The following MS4A8 variants were observed in gnomAD, a reference collection of about 807,000 sequenced individuals.
MS4A8 encodes the protein membrane spanning 4-domains A8, also known as membrane-spanning 4-domains subfamily A member 8.
Under a neutral mutation model 23.7 loss-of-function variants are expected in MS4A8, and 27 were observed. That is an observed-to-expected ratio of 1.14 (90% CI 0.84 to 1.57). The LOEUF is 1.57. Ranked by LOEUF, MS4A8 falls within the 40% of genes most tolerant of loss-of-function variation. The pLI is 0.00. For missense variants in MS4A8, 301 were observed against 311.4 expected (o/e 0.97, Z 0.25); for synonymous variants, 138 against 126.3 (o/e 1.09, Z -0.62).
Position 60,700,917 on chromosome 11 carries a change from C to T in MS4A8, c.57C>T (p.Pro19=). 6.2e-7 allele frequency: 1 copy of T among 1,614,134 alleles called. No individual in the cohort carries two copies. The highest frequency in any genetic ancestry group is 8.5e-7 in the Non-Finnish European group (1 of 1,180,030). ...CCAATTCTGTGTTGGTGGTGGCACC[C>T]CACAATGGTTATCCTGTGACCCCAG... ...PVANSVLVVA[P]HNGYPVTPGI... The change falls in exon 2 of 7, where the codon CCC becomes CCT. Residue 19 remains proline, a synonymous_variant. Transcript: ENST00000300226.
intron 5 of MS4A8, among the ~76,000 whole-genome samples, chr11:60,713,606 C>T (rs190647083): frequency 2.3e-4 from 35 of 152,224 alleles, no homozygotes; most frequent in Admixed American, 1.6e-3. Context: ...GACTTTACAC[C>T]GAGACATTCC....
At chr11:60,714,082 G>A (rs558077287) in intron 5 of MS4A8, among the ~76,000 whole-genome samples, 15 of 147,898 alleles carry the variant, frequency 1.0e-4, no homozygotes, top group Non-Finnish European at 8.8e-5. Flanking sequence ...CCGCCACCGC[G>A]CCCGGCTAAT....
At chr11:60,708,119 A>T (rs1480103261) in intron 4 of MS4A8, among the ~76,000 whole-genome samples, 1 of 152,154 alleles carries the variant, frequency 6.6e-6, no homozygotes, top group East Asian at 1.9e-4. Context: ...AAGTGCTGGG[A>T]TTACAGATGT....
chr11:60,713,735 G>C (rs2088318563), intron 5 of MS4A8, among the ~76,000 whole-genome samples: 1 of 151,962 alleles, frequency 6.6e-6, no homozygotes, highest in Non-Finnish European at 1.5e-5. Flanking sequence ...TGGGCTGGGG[G>C]ACGGTCAGGT....
intron 4 of MS4A8, 58 bp downstream of exon 4, chr11:60,707,105 A>G: frequency 6.7e-7 from 1 of 1,495,398 alleles, no homozygotes; most frequent in Non-Finnish European, 9.3e-7. Context: ...TGGTGTCACA[A>G]AGGGGAAAAT....
chr11:60,713,415 G>C (rs1245098829), intron 5 of MS4A8, among the ~76,000 whole-genome samples: 2 of 152,178 alleles, frequency 1.3e-5, no homozygotes, highest in Admixed American at 6.5e-5. Flanking sequence ...GAGAAGGTCA[G>C]AAGGTAAACA....
rs1288611248 is a variant in MS4A8 at position 60,715,284 on chromosome 11, G to A, written c.649-26G>A. On this transcript the variant is annotated intron_variant, in intron 6 of 6. Transcript: ENST00000300226. ...GTGCATGGCCCGTCCTTCTTAGCATGCCCCCTGTGTGCCTGTGTTTTCCAG... is the reference window on the plus strand; with the variant it reads ...GTGCATGGCCCGTCCTTCTTAGCATACCCCCTGTGTGCCTGTGTTTTCCAG... 21 of 1,600,332 alleles carry A rather than the reference G, an allele frequency of 1.3e-5. No homozygotes were observed. In the East Asian group the frequency reaches 3.3e-4, roughly 26 times the overall value.
chr11:60,705,168 A>G (rs1390890169), intron 3 of MS4A8, among the ~76,000 whole-genome samples: 2 of 152,090 alleles, frequency 1.3e-5, no homozygotes, highest in South Asian at 2.1e-4. Flanking sequence ...CACACACCCA[A>G]ACTCAGAACT....
At chr11:60,710,960 C>T (rs1359460323) in intron 5 of MS4A8, among the ~76,000 whole-genome samples, 1 of 152,196 alleles carries the variant, frequency 6.6e-6, no homozygotes, top group African/African-American at 2.4e-5. Flanking sequence ...GATCACTAAT[C>T]TGCAACCACC....
At chr11:60,706,348 T>C (rs1567083) in intron 3 of MS4A8, among the ~76,000 whole-genome samples, 112,302 of 152,044 alleles carry the variant, frequency 0.74, 43,407 homozygotes, top group Non-Finnish European at 0.86. Flanking sequence ...ATGCACGCAA[T>C]TGACATCATC....
chr11:60,711,273 T>A (rs1475268111), intron 5 of MS4A8, among the ~76,000 whole-genome samples: 3 of 152,224 alleles, frequency 2.0e-5, no homozygotes, highest in African/African-American at 7.2e-5. Flanking sequence ...TCAGTAAACA[T>A]CAACAGCCAT....
intron 5 of MS4A8, among the ~76,000 whole-genome samples, chr11:60,713,218 G>T (rs987839105): frequency 4.6e-5 from 7 of 152,106 alleles, no homozygotes; most frequent in Non-Finnish European, 1.0e-4. Context: ...ACACCTGTGG[G>T]TGTTTCTCGT....
At position 60,710,815 on chromosome 11, in the gene MS4A8, A is replaced by G. The variant is rs1590955166; in HGVS notation, c.534+2034A>G. ...CATCCTCTGGTTCTGCTGCTGAACC[A>G]CGGGAACCTCCATGATGTTTTCTCC... On this transcript the variant is annotated intron_variant, in intron 5 of 6. Coordinates refer to ENST00000300226, the MANE Select transcript of MS4A8 (RefSeq NM_031457.2). Among the ~76,000 whole-genome samples, 3 of 152,140 alleles carry G rather than the reference A, an allele frequency of 2.0e-5. No individual in the cohort carries two copies. In the South Asian group the frequency reaches 6.2e-4, roughly 32 times the overall value.
At chr11:60,710,629 G>T (rs573686298) in intron 5 of MS4A8, among the ~76,000 whole-genome samples, 1 of 152,038 alleles carries the variant, frequency 6.6e-6, no homozygotes, top group Non-Finnish European at 1.5e-5. Flanking sequence ...CCTACTCTGG[G>T]CTCACTGCAG....
In MS4A8 at chr11:60,715,331, A is replaced by T; in HGVS notation, c.670A>T (p.Ile224Phe). ...SSNVSVIYPN[I>F]YAANPVITPE... Reference sequence around the variant, plus strand: ...CCAGGTGAGTGTCATCTATCCAAACATCTATGCAGCAAACCCAGTGATCAC... The same window carrying T: ...CCAGGTGAGTGTCATCTATCCAAACTTCTATGCAGCAAACCCAGTGATCAC... Residue 224 changes from isoleucine to phenylalanine, a missense_variant, in exon 7 of 7, where the codon ATC becomes TTC. Coordinates refer to ENST00000300226, the MANE Select transcript of MS4A8 (RefSeq NM_031457.2). 1 of 1,613,946 alleles carries T rather than the reference A, an allele frequency of 6.2e-7. No individual in the cohort carries two copies. Among genetic ancestry groups the T allele is most frequent in the South Asian group, 1.1e-5 (1 of 91,066 alleles).
At chr11:60,711,875 C>T in intron 5 of MS4A8, 1 of 456,124 alleles carries the variant, frequency 2.2e-6, no homozygotes, top group South Asian at 1.5e-5. Flanking sequence ...CCCATGCCCA[C>T]CACCCATTCC....
chr11:60,707,658 A>G (rs565500798), intron 4 of MS4A8, among the ~76,000 whole-genome samples: 1 of 152,316 alleles, frequency 6.6e-6, no homozygotes, highest in South Asian at 2.1e-4. Context: ...AAGAAAGCTC[A>G]AAATGTGGAA....
intron 5 of MS4A8, among the ~76,000 whole-genome samples, chr11:60,712,708 C>T (rs1307437951): frequency 4.6e-5 from 7 of 151,922 alleles, no homozygotes; most frequent in Middle Eastern, 3.4e-3. Context: ...GCAGGAGAAT[C>T]GCTTCAACCC....
chr11:60,704,223 C>G (rs1384465232), intron 3 of MS4A8, among the ~76,000 whole-genome samples: 1 of 149,880 alleles, frequency 6.7e-6, no homozygotes, highest in African/African-American at 2.5e-5. Context: ...CGGATTCAAG[C>G]AATTCTCCTG....
Sources: gnomAD v4.1 joint callset for allele counts (sites outside exome capture counted in the v4.1 genomes callset) on GRCh38, gnomAD v4.1.1 for gene constraint, MANE v1.5 for transcripts, NCBI Gene and HGNC (gene_info 2026-07-23, HGNC 2026-07-21) for gene names.